The following PTPRD variants were observed in gnomAD, a reference collection of about 807,000 sequenced individuals.
The protein encoded by PTPRD is protein tyrosine phosphatase receptor type D, also known as receptor-type tyrosine-protein phosphatase delta.
A neutral mutation model predicts 214.5 loss-of-function variants in PTPRD; 34 were observed. The ratio of observed to expected loss-of-function variants is 0.16; its 90% confidence interval spans 0.12 to 0.21. The LOEUF is 0.21. PTPRD is among the 10% of genes least tolerant of loss of function. The probability of loss-of-function intolerance (pLI) is 1.00; values close to 1 mark genes in which losing one functional copy is unlikely to be tolerated. For missense variants in PTPRD, 2,545 were observed against 2,398.7 expected (o/e 1.06, Z -1.27); for synonymous variants, 1,128 against 845.7 (o/e 1.33, Z -5.79).
At chr9:10,496,179 T>C (rs564673274) in intron 2 of PTPRD, among the ~76,000 whole-genome samples, 27 of 151,984 alleles carry the variant, frequency 1.8e-4, no homozygotes, top group African/African-American at 6.0e-4. Flanking sequence ...AAAAAATGTA[T>C]TTAATGCAGA....
chr9:10,468,239 T>A (rs533261579), intron 2 of PTPRD, among the ~76,000 whole-genome samples: 1 of 152,158 alleles, frequency 6.6e-6, no homozygotes, highest in East Asian at 1.9e-4. Context: ...TAGCAAAACT[T>A]GTAACCAACC....
chr9:10,511,614 T>C (rs116920693), intron 2 of PTPRD, among the ~76,000 whole-genome samples: 13,023 of 145,546 alleles, frequency 0.089, 819 homozygotes, highest in African/African-American at 0.16. Flanking sequence ...CAGGATTTCA[T>C]CATGTTGGTC....
At chr9:9,296,447 T>C (rs1427426545) in intron 9 of PTPRD, among the ~76,000 whole-genome samples, 1 of 151,792 alleles carries the variant, frequency 6.6e-6, no homozygotes, top group African/African-American at 2.4e-5. Context: ...GAGTTGACCA[T>C]ATGTTCAAAT....
At chr9:10,351,663 CT>C (rs33924476) in intron 2 of PTPRD, among the ~76,000 whole-genome samples, 36,802 of 144,184 alleles carry the variant, frequency 0.26, 4,678 homozygotes, top group African/African-American at 0.33. Context: ...TTAATTCTAA[CT>C]TTTTTTTTTT....
intron 3 of PTPRD, among the ~76,000 whole-genome samples, chr9:10,091,458 C>G (rs1017861744): frequency 6.6e-6 from 1 of 151,270 alleles, no homozygotes; most frequent in African/African-American, 2.4e-5. Flanking sequence ...AGTTATATGT[C>G]AAAAATATAA....
chr9:9,927,608 G>T (rs1428241966), intron 5 of PTPRD, among the ~76,000 whole-genome samples: 3 of 152,070 alleles, frequency 2.0e-5, no homozygotes, highest in Non-Finnish European at 4.4e-5. Context: ...AAAGGAATGC[G>T]TGTGTGTACA....
intron 30 of PTPRD, among the ~76,000 whole-genome samples, chr9:8,473,374 C>G (rs2096697326): frequency 6.6e-6 from 1 of 152,088 alleles, no homozygotes; most frequent in South Asian, 2.1e-4. Context: ...CTCCTGTCCT[C>G]CCACCATCTG....
intron 30 of PTPRD, among the ~76,000 whole-genome samples, chr9:8,478,907 C>T (rs899387274): frequency 1.2e-4 from 19 of 152,166 alleles, no homozygotes; most frequent in Non-Finnish European, 2.6e-4. Context: ...GAAATGACAG[C>T]ATGGTTTCTG....
chr9:9,370,264 G>C (rs2059096223), intron 9 of PTPRD, among the ~76,000 whole-genome samples: 1 of 151,990 alleles, frequency 6.6e-6, no homozygotes, highest in African/African-American at 2.4e-5. Flanking sequence ...TCTTCCATTT[G>C]TTTGTGTCCT....
chr9:10,477,754 G>T (rs1566352705), intron 2 of PTPRD, among the ~76,000 whole-genome samples: 1 of 152,028 alleles, frequency 6.6e-6, no homozygotes, highest in Non-Finnish European at 1.5e-5. Context: ...TGATACACTG[G>T]ATAAAGATAA....
chr9:10,125,589 G>C (rs1393850065), intron 3 of PTPRD, among the ~76,000 whole-genome samples: 1 of 150,494 alleles, frequency 6.6e-6, no homozygotes, highest in Non-Finnish European at 1.5e-5. Flanking sequence ...TGAGTAGCTG[G>C]GATTACAGGC....
chr9:8,391,170 T>C (rs930608930), intron 36 of PTPRD, among the ~76,000 whole-genome samples: 1 of 152,060 alleles, frequency 6.6e-6, no homozygotes, highest in Non-Finnish European at 1.5e-5. Flanking sequence ...AAACATATGT[T>C]CCCAAGCTCA....
At chr9:8,752,191 T>C (rs12340296) in intron 11 of PTPRD, among the ~76,000 whole-genome samples, 8,752 of 152,104 alleles carry the variant, frequency 0.058, 645 homozygotes, top group African/African-American at 0.17. Context: ...AGTCACAGGA[T>C]GAGATAGGAG....
At chr9:9,482,931 TTAAA>T (rs2095480230) in intron 8 of PTPRD, among the ~76,000 whole-genome samples, 2 of 152,296 alleles carry the variant, frequency 1.3e-5, no homozygotes, top group South Asian at 4.1e-4. Flanking sequence ...GCTACTCTCT[TTAAA>T]TAGTTTCTTA....
At chr9:9,163,484 C>A (rs1467271905) in intron 10 of PTPRD, among the ~76,000 whole-genome samples, 3 of 138,308 alleles carry the variant, frequency 2.2e-5, no homozygotes, top group Non-Finnish European at 4.8e-5. Context: ...CTGGATATTT[C>A]TCTTTATTGC....
chr9:8,914,467 T>C (rs916495977), intron 11 of PTPRD, among the ~76,000 whole-genome samples: 1 of 152,138 alleles, frequency 6.6e-6, no homozygotes, highest in Non-Finnish European at 1.5e-5. Flanking sequence ...TTACAACTAC[T>C]GCACTATGAT....
intron 4 of PTPRD, among the ~76,000 whole-genome samples, chr9:9,961,912 A>T (rs1265086861): frequency 6.6e-6 from 1 of 152,176 alleles, no homozygotes; most frequent in Non-Finnish European, 1.5e-5. Context: ...GAGGTTTAAG[A>T]TGATGAATAT....
chr9:10,567,417 T>C (rs2065962878), intron 2 of PTPRD, among the ~76,000 whole-genome samples: 1 of 152,150 alleles, frequency 6.6e-6, no homozygotes, highest in African/African-American at 2.4e-5. Flanking sequence ...TTCTATTTCC[T>C]TAAGTGATAA....
At chr9:9,814,837 T>C (rs1221298999) in intron 5 of PTPRD, among the ~76,000 whole-genome samples, 1 of 142,912 alleles carries the variant, frequency 7.0e-6, no homozygotes, top group Non-Finnish European at 1.5e-5. Flanking sequence ...TTTCACTCTG[T>C]CACATGGGCT....
Sources: gnomAD v4.1 joint callset for allele counts (sites outside exome capture counted in the v4.1 genomes callset) on GRCh38, gnomAD v4.1.1 for gene constraint, MANE v1.5 for transcripts, NCBI Gene and HGNC (gene_info 2026-07-23, HGNC 2026-07-21) for gene names.